Variants in PDE11A observed in about 807,000 individuals in gnomAD.
PDE11A encodes dual 3',5'-cyclic-AMP and -GMP phosphodiesterase 11A.
PDE11A carries 100 observed loss-of-function variants against 100.5 expected under a neutral mutation model. The observed-to-expected ratio is 1.00, with a 90% CI of 0.85 to 1.18. The LOEUF (loss-of-function observed/expected upper bound fraction) is 1.18, where lower values mean the gene tolerates loss of function less well. PDE11A is among the 50% of genes most tolerant of loss of function. The pLI, the probability that PDE11A is intolerant of heterozygous loss-of-function variation, is 0.00. For missense variants in PDE11A, 1,141 were observed against 1,152.6 expected, an observed-to-expected ratio of 0.99 and a Z score of 0.15; for synonymous variants, 381 against 420.8, an observed-to-expected ratio of 0.91 and a Z score of 1.16.
chr2:177,911,080 A>G lies in PDE11A; in HGVS notation c.1072-5893T>C, dbSNP rs1487286395. On this transcript the variant is annotated intron_variant, in intron 2 of 19. Transcript: ENST00000286063. ...CTCCCTTTGTGTAGATTCTGAAAACAGGACTCTTAAAGTCACTTCTGCCCT... is the reference window on the plus strand; with the variant it reads ...CTCCCTTTGTGTAGATTCTGAAAACGGGACTCTTAAAGTCACTTCTGCCCT... Among the ~76,000 whole-genome samples, 5 of 151,116 alleles carry G rather than the reference A, an allele frequency of 3.3e-5. No homozygotes were observed. In the East Asian group the frequency reaches 9.7e-4, roughly 29 times the overall value.
Position 177,639,039 on chromosome 2 carries a change from C to A in PDE11A, c.2647-9477G>T, listed in dbSNP as rs1484276649. Among the ~76,000 whole-genome samples the A allele has an allele frequency of 2.0e-5, 3 of 152,168 alleles. No individual in the cohort carries two copies. In the East Asian group the frequency reaches 5.8e-4, roughly 29 times the overall value. ...TCCCTGGGAACTGTAACCTCTTTGG[C>A]CTCCCTAGACTCCTAGCTCTGCCTC... On this transcript the variant is annotated intron_variant, in intron 19 of 19. Coordinates refer to ENST00000286063, the MANE Select transcript of PDE11A (RefSeq NM_016953.4).
chr2:178,031,892 G>T (rs1022137483), intron 1 of PDE11A, among the ~76,000 whole-genome samples: 1 of 152,070 alleles, frequency 6.6e-6, no homozygotes, highest in Non-Finnish European at 1.5e-5. Flanking sequence ...CAAGTCATAG[G>T]GGTTGGGGAG....
chr2:177,918,360 G>T (rs1251609687), intron 2 of PDE11A, among the ~76,000 whole-genome samples: 2 of 152,140 alleles, frequency 1.3e-5, no homozygotes, highest in Non-Finnish European at 2.9e-5. Context: ...GTCCTTTATT[G>T]CTTCCTTTCT....
intron 6 of PDE11A, among the ~76,000 whole-genome samples, chr2:177,835,689 G>A (rs941749537): frequency 7.9e-5 from 12 of 152,134 alleles, no homozygotes; most frequent in African/African-American, 2.7e-4. Flanking sequence ...GTGCAAGCGG[G>A]AACTGGGGCT....
chr2:177,743,764 T>G (rs549756958), intron 10 of PDE11A, among the ~76,000 whole-genome samples: 1 of 152,018 alleles, frequency 6.6e-6, no homozygotes. Flanking sequence ...AGGGAAAAGG[T>G]AGGGAGTGGG....
intron 1 of PDE11A, chr2:178,105,702 T>C (rs1048688613): frequency 1.0e-6 from 1 of 998,942 alleles, no homozygotes; most frequent in Non-Finnish European, 1.4e-6. Flanking sequence ...ATGTGGAACC[T>C]GATGGCATAG....
chr2:177,819,858 CTT>C (rs1365088942), intron 7 of PDE11A, among the ~76,000 whole-genome samples: 2 of 70,518 alleles, frequency 2.8e-5, no homozygotes, highest in African/African-American at 9.8e-5. Flanking sequence ...CTCTTTCTCT[CTT>C]TCTCTCTTTC....
chr2:177,769,363 T>C lies in PDE11A; in HGVS notation c.1748A>G (p.Tyr583Cys). 2 of 1,585,594 alleles carry C rather than the reference T, an allele frequency of 1.3e-6. No homozygotes were observed. Among genetic ancestry groups the C allele is most frequent in the Non-Finnish European group, 1.7e-6 (2 of 1,154,100 alleles). ...TTCAGCTTTTGAACATGTTGCATGG[T>C]ATGATAGCACCTGATTCAGAAGAAA... is the stretch of plus-strand genomic sequence containing the variant. Reference protein sequence around the residue: ...KQSVALDVLSYHATCSKAEVD... With the variant: ...KQSVALDVLSCHATCSKAEVD... The change falls in exon 10 of 20, where the codon TAC becomes TGC. Residue 583 changes from tyrosine (Y) to cysteine (C), a missense_variant. By Grantham distance (194) the Tyr-to-Cys change is radical. Transcript: ENST00000286063.
intron 2 of PDE11A, among the ~76,000 whole-genome samples, chr2:178,005,584 G>A (rs2086198642): frequency 6.6e-6 from 1 of 152,146 alleles, no homozygotes; most frequent in Non-Finnish European, 1.5e-5. Flanking sequence ...AACTCTGAGA[G>A]GGCAAGAATT....
At chr2:177,969,626 AAAAG>A (rs2085744178) in intron 2 of PDE11A, among the ~76,000 whole-genome samples, 1 of 150,528 alleles carries the variant, frequency 6.6e-6, no homozygotes, top group South Asian at 2.1e-4. Context: ...TGTAAAGAAA[AAAAG>A]TAAGTAAGCC....
At chr2:177,711,914 G>T in intron 12 of PDE11A, 36 bp from the exon 13 acceptor site, 1 of 1,051,678 alleles carries the variant, frequency 9.5e-7, no homozygotes, top group Non-Finnish European at 1.5e-6. Flanking sequence ...AGTCACTACT[G>T]GGGTACGGAG....
intron 1 of PDE11A, among the ~76,000 whole-genome samples, chr2:178,070,049 A>C (rs185864525): frequency 2.2e-4 from 33 of 152,354 alleles, no homozygotes; most frequent in African/African-American, 7.0e-4. Flanking sequence ...ATTTCTCTAG[A>C]AATAATAATT....
intron 2 of PDE11A, among the ~76,000 whole-genome samples, chr2:177,979,759 T>C (rs1002490476): frequency 2.0e-5 from 3 of 149,400 alleles, no homozygotes; most frequent in African/African-American, 7.3e-5. Flanking sequence ...TACAGGCGCC[T>C]GCCACCACGC....
At chr2:177,924,728 CT>C (rs71410770) in intron 2 of PDE11A, among the ~76,000 whole-genome samples, 6,061 of 143,186 alleles carry the variant, frequency 0.042, 377 homozygotes, top group African/African-American at 0.14. Context: ...GTTAAGCTTT[CT>C]TTTTTTTTTT....
chr2:177,906,032 T>C (rs1232440830), intron 2 of PDE11A, among the ~76,000 whole-genome samples: 1 of 152,142 alleles, frequency 6.6e-6, no homozygotes, highest in East Asian at 1.9e-4. Flanking sequence ...ATGCTCCAAG[T>C]AAAAACTGAA....
At chr2:178,054,442 G>C (rs1164102430) in intron 1 of PDE11A, among the ~76,000 whole-genome samples, 1 of 152,110 alleles carries the variant, frequency 6.6e-6, no homozygotes, top group Non-Finnish European at 1.5e-5. Context: ...GCATGGGCAA[G>C]GACTTCATGT....
At chr2:177,837,764 CA>C in intron 6 of PDE11A, among the ~76,000 whole-genome samples, 1 of 152,160 alleles carries the variant, frequency 6.6e-6, no homozygotes, top group Admixed American at 6.5e-5. Context: ...GTAGTAAAGT[CA>C]TAACCTTAAT....
chr2:178,018,389 C>CTTGGCACACTTGACTTTAAG, intron 1 of PDE11A: 1 of 497,730 alleles, frequency 2.0e-6, no homozygotes, highest in Admixed American at 2.1e-5. Context: ...TTGACTTTAA[C>CTTGGCACACTTGACTTTAAG]CTTTGCCGGG....
At chr2:177,940,292 T>C (rs1242138012) in intron 2 of PDE11A, among the ~76,000 whole-genome samples, 1 of 152,236 alleles carries the variant, frequency 6.6e-6, no homozygotes, top group Non-Finnish European at 1.5e-5. Flanking sequence ...TGGTTTTTTC[T>C]TCAGAGGTTG....
Sources: gnomAD v4.1 joint callset for allele counts (sites outside exome capture counted in the v4.1 genomes callset) on GRCh38, gnomAD v4.1.1 for gene constraint, MANE v1.5 for transcripts, NCBI Gene and HGNC (gene_info 2026-07-23, HGNC 2026-07-21) for gene names.